The following FNDC3B variants were observed in gnomAD, a reference collection of about 807,000 sequenced individuals.
FNDC3B encodes fibronectin type III domain-containing protein 3B.
In FNDC3B, 12 loss-of-function variants were observed where a neutral mutation model predicts 151.5. The ratio of observed to expected loss-of-function variants is 0.08; its 90% CI spans 0.05 to 0.13. The LOEUF (loss-of-function observed/expected upper bound fraction) is 0.13. FNDC3B is among the 10% of genes least tolerant of loss of function. The pLI is 1.00. For synonymous variants in FNDC3B, 528 were observed against 549.0 expected, an observed-to-expected ratio of 0.96 and a Z score of 0.54; for missense variants, 1,214 against 1,505.3, an observed-to-expected ratio of 0.81 and a Z score of 3.20.
intron 7 of FNDC3B, among the ~76,000 whole-genome samples, chr3:172,294,919 T>C (rs923850445): frequency 6.6e-6 from 1 of 152,172 alleles, no homozygotes; most frequent in Non-Finnish European, 1.5e-5. Context: ...TTCCACCCAT[T>C]GGGTTCTCCT....
At chr3:172,250,659 A>T (rs1560040126) in intron 5 of FNDC3B, among the ~76,000 whole-genome samples, 4 of 152,242 alleles carry the variant, frequency 2.6e-5, no homozygotes, top group African/African-American at 7.2e-5. Context: ...TGCAACTAGA[A>T]TATGAGCTCT....
At chr3:172,397,008 A>G (rs1283016987) in intron 25 of FNDC3B, among the ~76,000 whole-genome samples, 156 bp from the exon 26 acceptor site, 1 of 152,232 alleles carries the variant, frequency 6.6e-6, no homozygotes. Context: ...TATGGTTGGA[A>G]TACAGATTGA....
At chr3:172,281,215 ATATTTATTTATTTATTTAT>A (rs1729700080) in intron 6 of FNDC3B, among the ~76,000 whole-genome samples, 3 of 132,466 alleles carry the variant, frequency 2.3e-5, no homozygotes, top group African/African-American at 8.5e-5. Flanking sequence ...ATTATTATTT[ATATTTATTTATTTATTTAT>A]TTATTTATTT....
intron 3 of FNDC3B, among the ~76,000 whole-genome samples, chr3:172,182,135 T>G (rs560892902): frequency 1.3e-5 from 2 of 152,292 alleles, no homozygotes; most frequent in East Asian, 3.9e-4. Flanking sequence ...TGACTTCCTA[T>G]TGTCCTACCA....
intron 3 of FNDC3B, among the ~76,000 whole-genome samples, chr3:172,223,902 C>T (rs1726418909): frequency 1.3e-5 from 2 of 152,230 alleles, no homozygotes; most frequent in African/African-American, 4.8e-5. Context: ...CTGCTCTAAG[C>T]GCTTTTGCGT....
intron 23 of FNDC3B, among the ~76,000 whole-genome samples, chr3:172,372,437 G>T (rs985587831): frequency 2.6e-5 from 4 of 152,152 alleles, no homozygotes; most frequent in African/African-American, 9.7e-5. Flanking sequence ...TGACTTTATT[G>T]AGCATATGGT....
intron 1 of FNDC3B, among the ~76,000 whole-genome samples, chr3:172,056,033 G>A (rs1019582450): frequency 9.9e-5 from 15 of 152,016 alleles, no homozygotes; most frequent in Admixed American, 9.8e-4. Flanking sequence ...CGCCCGCCTC[G>A]GCCTCCCAAA....
intron 3 of FNDC3B, among the ~76,000 whole-genome samples, chr3:172,213,079 T>C (rs1216858597): frequency 6.6e-6 from 1 of 152,190 alleles, no homozygotes; most frequent in Non-Finnish European, 1.5e-5. Context: ...CCATGTTAGG[T>C]ATCTGTCTGG....
intron 1 of FNDC3B, among the ~76,000 whole-genome samples, chr3:172,046,327 A>AT (rs540301448): frequency 2.6e-5 from 4 of 151,596 alleles, no homozygotes; most frequent in African/African-American, 9.7e-5. Context: ...TTGGCTCCTA[A>AT]TTTTTTTTCT....
At chr3:172,104,399 T>C (rs1719527603) in intron 1 of FNDC3B, among the ~76,000 whole-genome samples, 1 of 151,238 alleles carries the variant, frequency 6.6e-6, no homozygotes, top group South Asian at 2.1e-4. Flanking sequence ...CTGTCCACTA[T>C]AGTTTTTTTT....
chr3:172,259,047 T>G (rs1728512508), intron 6 of FNDC3B, among the ~76,000 whole-genome samples: 1 of 152,220 alleles, frequency 6.6e-6, no homozygotes, highest in African/African-American at 2.4e-5. Flanking sequence ...TTAATATTGC[T>G]TTATCTCTCA....
intron 20 of FNDC3B, 105 bp downstream of exon 20, chr3:172,346,545 AT>A (rs55676402): frequency 0.07 from 31,068 of 445,000 alleles, no homozygotes; most frequent in East Asian, 0.15. Context: ...CATATAGATG[AT>A]TTTTTTTTTT....
At chr3:172,228,901 A>G (rs1293035694) in intron 4 of FNDC3B, among the ~76,000 whole-genome samples, 1 of 152,166 alleles carries the variant, frequency 6.6e-6, no homozygotes, top group African/African-American at 2.4e-5. Context: ...GATTGTTAAT[A>G]TGAAGAAAAT....
intron 3 of FNDC3B, chr3:172,225,500 C>T: frequency 4.5e-6 from 1 of 221,040 alleles, no homozygotes; most frequent in Non-Finnish European, 9.4e-6. Context: ...TTGTTTGTGG[C>T]TGGCCATAAA....
intron 19 of FNDC3B, among the ~76,000 whole-genome samples, chr3:172,345,585 C>A (rs1179639396): frequency 6.6e-6 from 1 of 151,974 alleles, no homozygotes; most frequent in Non-Finnish European, 1.5e-5. Flanking sequence ...TTTTTGTTTC[C>A]CCCCTCCCCG....
At chr3:172,379,997 G>A (rs1364570737) in intron 24 of FNDC3B, among the ~76,000 whole-genome samples, 1 of 152,014 alleles carries the variant, frequency 6.6e-6, no homozygotes, top group East Asian at 1.9e-4. Flanking sequence ...AATCTGATAG[G>A]CTTCCTTATT....
chr3:172,240,072 C>T (rs1435767326), intron 4 of FNDC3B, among the ~76,000 whole-genome samples: 3 of 151,858 alleles, frequency 2.0e-5, no homozygotes, highest in East Asian at 1.9e-4. Flanking sequence ...GGGGTTTCAC[C>T]GTGTTAGCCA....
At chr3:172,248,025 C>T (rs536062021) in intron 5 of FNDC3B, among the ~76,000 whole-genome samples, 1 of 152,212 alleles carries the variant, frequency 6.6e-6, no homozygotes, top group African/African-American at 2.4e-5. Context: ...CTTACAAGAT[C>T]AAGGAGTAAG....
At chr3:172,117,306 A>T (rs1720306912) in intron 2 of FNDC3B, among the ~76,000 whole-genome samples, 1 of 152,166 alleles carries the variant, frequency 6.6e-6, no homozygotes, top group Non-Finnish European at 1.5e-5. Flanking sequence ...ATGTGTGGCT[A>T]TTATAAATGA....
Sources: gnomAD v4.1 joint callset for allele counts (sites outside exome capture counted in the v4.1 genomes callset) on GRCh38, gnomAD v4.1.1 for gene constraint, MANE v1.5 for transcripts, NCBI Gene and HGNC (gene_info 2026-07-23, HGNC 2026-07-21) for gene names.